ERC1: variants seen among roughly 807,000 people sequenced by gnomAD.
ERC1 encodes the protein ELKS/RAB6-interacting/CAST family member 1.
A neutral mutation model predicts 132.0 loss-of-function variants in ERC1; 56 were observed. The ratio of observed to expected loss-of-function variants is 0.42; its 90% CI spans 0.34 to 0.53. The LOEUF (loss-of-function observed/expected upper bound fraction) is 0.53. Ranked by LOEUF, ERC1 falls within the 20% of genes least tolerant of loss-of-function variation. The pLI, the probability that ERC1 is intolerant of heterozygous loss-of-function variation, is 0.03. For missense variants in ERC1, 1,202 were observed against 1,349.9 expected, an observed-to-expected ratio of 0.89 and a Z score of 1.72; for synonymous variants, 478 against 476.1, an observed-to-expected ratio of 1.00 and a Z score of -0.05.
At chr12:1,072,014 T>C (rs1565907797) in intron 2 of ERC1, among the ~76,000 whole-genome samples, 1 of 151,480 alleles carries the variant, frequency 6.6e-6, no homozygotes, top group African/African-American at 2.4e-5. Flanking sequence ...GGTATGAGAA[T>C]CGCTTGAACC....
chr12:1,289,074 A>G (rs1594790128), intron 14 of ERC1, among the ~76,000 whole-genome samples: 4 of 87,820 alleles, frequency 4.6e-5, no homozygotes, highest in South Asian at 7.7e-4. Flanking sequence ...TCTCCTTTCT[A>G]TCTGGTATGT....
At position 1,482,716 on chromosome 12, in the gene ERC1, G is replaced by C. The variant is rs1439834344; in HGVS notation, c.3214-7377G>C. ...CCTGCCTCGGCCTCCCAAAGTTCTG[G>C]GATTACAGGCGTGAGCCACTGCACC... On this transcript the variant is annotated intron_variant, in intron 18 of 18. Transcript: ENST00000360905. 2.0e-5 allele frequency among the ~76,000 whole-genome samples: 3 copies of C among 152,100 alleles called. No homozygotes were observed. In the East Asian group the frequency reaches 5.8e-4, roughly 29 times the overall value.
Position 1,235,560 on chromosome 12 carries a change from G to A in ERC1, c.2352-1209G>A, listed in dbSNP as rs936489988. 4.6e-5 allele frequency among the ~76,000 whole-genome samples: 7 copies of A among 152,298 alleles called. No individual in the cohort carries two copies. In the East Asian group the frequency reaches 1.2e-3, roughly 25 times the overall value. On this transcript the variant is annotated intron_variant, in intron 12 of 18. Coordinates refer to ENST00000360905, the MANE Select transcript of ERC1 (RefSeq NM_178040.4). Reference sequence around the variant, plus strand: ...TAGCTATTTCACAGAAGTGGAAACAGGAATGGCCAAATACTGTATGATAAG... The same window carrying A: ...TAGCTATTTCACAGAAGTGGAAACAAGAATGGCCAAATACTGTATGATAAG...
chr12:1,426,426 A>G (rs1037980856), intron 17 of ERC1, among the ~76,000 whole-genome samples: 7 of 152,198 alleles, frequency 4.6e-5, no homozygotes, highest in African/African-American at 1.2e-4. Flanking sequence ...CTTTACAAGT[A>G]AGTTAGAGGA....
intron 3 of ERC1, among the ~76,000 whole-genome samples, chr12:1,091,865 G>A (rs1040637038): frequency 6.6e-6 from 1 of 152,120 alleles, no homozygotes; most frequent in Non-Finnish European, 1.5e-5. Flanking sequence ...ATGATTGCTG[G>A]AGATGTACAG....
intron 1 of ERC1, among the ~76,000 whole-genome samples, chr12:1,007,516 T>TTCTCTCTCTCTCTCTC (rs377671282): frequency 1.3e-3 from 164 of 122,862 alleles, no homozygotes; most frequent in Middle Eastern, 8.4e-3. Context: ...CACTGGGTAA[T>TTCTCTCTCTCTCTCTC]TCTCTCTCTC....
chr12:1,483,658 C>T (rs1026437979), intron 18 of ERC1, among the ~76,000 whole-genome samples: 1 of 138,528 alleles, frequency 7.2e-6, no homozygotes, highest in Non-Finnish European at 1.5e-5. Flanking sequence ...CTCCTTCCAG[C>T]CACTGAGAGC....
At position 991,297 on chromosome 12, in the gene ERC1, C is replaced by CAGT. The variant is rs1959200822; in HGVS notation, c.-180_-179insTAG. The CAGT allele has an allele frequency of 1.9e-5, 2 of 104,288 alleles. No homozygotes were observed. The highest frequency in any genetic ancestry group is 9.6e-5 in the Admixed American group (1 of 10,464). The allele number at this position is 104,288 out of a possible 1,614,324, so 6.5% of individuals were successfully genotyped here. A position where few individuals can be genotyped will look rare whatever the true frequency, so the allele number is the denominator to read the frequency against. On this transcript the variant is annotated 5_prime_UTR_variant, in exon 1 of 19. Coordinates refer to ENST00000360905, the MANE Select transcript of ERC1 (RefSeq NM_178040.4). ...GGCGGCGGTGCCTGGGCGGCAGCAG[C>CAGT]AGCAGTAGCGGCAGCCCTGAGGACG...
At position 1,402,614 on chromosome 12, in the gene ERC1, A is replaced by AACACACACACACACACACACAC. The variant is rs56777839; in HGVS notation, c.2926-5525_2926-5504dup. Among the ~76,000 whole-genome samples the AACACACACACACACACACACAC allele has an allele frequency of 5.3e-3, 770 of 144,914 alleles. 6 individuals carry two copies. The highest frequency in any genetic ancestry group is 0.019 in the South Asian group (84 of 4,450). Reference sequence around the variant, plus strand: ...GAAAAAGAATATCTGTGTAACCCCCAACACACACACACACACACACACACA... The same window carrying AACACACACACACACACACACAC: ...GAAAAAGAATATCTGTGTAACCCCCAACACACACACACACACACACACACACACACACACACACACACACACA... On this transcript the variant is annotated intron_variant, in intron 16 of 18. Transcript: ENST00000360905.
intron 1 of ERC1, among the ~76,000 whole-genome samples, chr12:1,007,488 CTCTCTTTCTCTCTCTCTCACTGGGTAAT>C (rs1245574129): frequency 1.0e-3 from 145 of 142,030 alleles, no homozygotes; most frequent in Non-Finnish European, 2.0e-3. Flanking sequence ...CTCTCTCTCT[CTCTCTTTCTCTCTCTCTCACTGGGTAAT>C]TCTCTCTCTC....
At chr12:1,269,677 T>A (rs2077696407) in intron 14 of ERC1, among the ~76,000 whole-genome samples, 1 of 152,168 alleles carries the variant, frequency 6.6e-6, no homozygotes, top group Non-Finnish European at 1.5e-5. Context: ...CTGGATGTCT[T>A]CTAACTGAGG....
chr12:1,388,265 G>A (rs150957997), intron 16 of ERC1, among the ~76,000 whole-genome samples: 2,392 of 150,858 alleles, frequency 0.016, 62 homozygotes, highest in African/African-American at 0.055. Flanking sequence ...CAGGAGAATG[G>A]TGTGAACCCG....
intron 13 of ERC1, among the ~76,000 whole-genome samples, chr12:1,243,192 T>G (rs2075931277): frequency 9.1e-6 from 1 of 109,590 alleles, no homozygotes; most frequent in African/African-American, 3.9e-5. Context: ...AGACTCCGTC[T>G]CAAAAAAAAA....
intron 1 of ERC1, among the ~76,000 whole-genome samples, chr12:1,015,584 T>C (rs1204038686): frequency 1.3e-5 from 2 of 152,210 alleles, no homozygotes; most frequent in African/African-American, 2.4e-5. Context: ...TTTTTTAAAG[T>C]GAAACTTCTA....
chr12:1,342,951 T>C (rs2084062295), intron 15 of ERC1, among the ~76,000 whole-genome samples: 2 of 152,222 alleles, frequency 1.3e-5, no homozygotes, highest in South Asian at 4.1e-4. Context: ...TCTCAAAATT[T>C]ATTAAACACA....
intron 17 of ERC1, among the ~76,000 whole-genome samples, chr12:1,440,441 C>T (rs12303410): frequency 0.016 from 2,455 of 149,660 alleles, 181 homozygotes; most frequent in African/African-American, 0.056. Context: ...CTCCTGACCT[C>T]GTGATCTGCC....
chr12:1,359,114 A>G (rs1454070266), intron 15 of ERC1, among the ~76,000 whole-genome samples: 2 of 152,198 alleles, frequency 1.3e-5, no homozygotes, highest in South Asian at 2.1e-4. Context: ...ACTTTGACCA[A>G]GGTGGGGAAA....
intron 2 of ERC1, among the ~76,000 whole-genome samples, chr12:1,047,605 C>T (rs1042164546): frequency 6.6e-6 from 1 of 152,152 alleles, no homozygotes; most frequent in Non-Finnish European, 1.5e-5. Context: ...CTTCTGATTT[C>T]TCAAATAATG....
intron 13 of ERC1, among the ~76,000 whole-genome samples, chr12:1,240,941 A>G (rs1360986226): frequency 6.6e-6 from 1 of 152,130 alleles, no homozygotes; most frequent in Non-Finnish European, 1.5e-5. Flanking sequence ...TTTCAGTTGA[A>G]TCCAGAGTTC....
Sources: gnomAD v4.1 joint callset for allele counts (sites outside exome capture counted in the v4.1 genomes callset) on GRCh38, gnomAD v4.1.1 for gene constraint, MANE v1.5 for transcripts, NCBI Gene and HGNC (gene_info 2026-07-23, HGNC 2026-07-21) for gene names.